The following HSF2BP variants were observed in gnomAD, a reference collection of about 807,000 sequenced individuals.
HSF2BP encodes the protein heat shock factor 2-binding protein.
HSF2BP carries 35 observed loss-of-function variants against 35.0 expected under a neutral mutation model. The observed-to-expected ratio is 1.00, with a 90% CI of 0.76 to 1.32. HSF2BP has a LOEUF of 1.32. Ranked by LOEUF, HSF2BP falls within the 40% of genes most tolerant of loss-of-function variation. The pLI, the probability that HSF2BP is intolerant of heterozygous loss-of-function variation, is 0.00. For missense variants in HSF2BP, 326 were observed against 321.7 expected (o/e 1.01, Z -0.10); for synonymous variants, 114 against 117.4 (o/e 0.97, Z 0.18).
At chr21:43,578,067 T>C (rs996885963) in intron 8 of HSF2BP, among the ~76,000 whole-genome samples, 4 of 152,232 alleles carry the variant, frequency 2.6e-5, no homozygotes, top group Admixed American at 6.5e-5. Flanking sequence ...CTGCACCTTG[T>C]TGCTCACACA....
At chr21:43,612,141 G>T (rs1458811802) in intron 7 of HSF2BP, among the ~76,000 whole-genome samples, 1 of 152,186 alleles carries the variant, frequency 6.6e-6, no homozygotes, top group East Asian at 1.9e-4. Flanking sequence ...ACCCAAAGGG[G>T]TTGACTGCCT....
At chr21:43,590,301 C>T (rs1011497011) in intron 8 of HSF2BP, among the ~76,000 whole-genome samples, 64 of 152,084 alleles carry the variant, frequency 4.2e-4, no homozygotes, top group African/African-American at 1.4e-3. Context: ...CAAATTAAAA[C>T]CACAGTGAAG....
At chr21:43,636,911 A>T (rs1024409421) in intron 4 of HSF2BP, among the ~76,000 whole-genome samples, 1 of 150,332 alleles carries the variant, frequency 6.7e-6, no homozygotes, top group Non-Finnish European at 1.5e-5. Flanking sequence ...AAAAAAAAAA[A>T]AAAGAAATAA....
chr21:43,644,418 A>C, intron 3 of HSF2BP, 26 bp from the exon 4 acceptor site: 7 of 1,541,436 alleles, frequency 4.5e-6, no homozygotes, highest in Non-Finnish European at 6.3e-6. Context: ...AAAATTACTC[A>C]AGATATTTCA....
At chr21:43,467,727 C>T in the HSF2BP span, among the ~76,000 whole-genome samples, 2 of 129,046 alleles carry the variant, frequency 1.5e-5, no homozygotes, top group Admixed American at 7.7e-5. Flanking sequence ...ACACACCACA[C>T]ACACCACACC....
intron 4 of HSF2BP, 51 bp from the exon 5 acceptor site, chr21:43,633,472 T>C (rs1244326862): frequency 1.4e-6 from 2 of 1,406,508 alleles, no homozygotes; most frequent in East Asian, 2.5e-5. Flanking sequence ...AACCTTGATA[T>C]ATCTTTATTA....
intron 7 of HSF2BP, among the ~76,000 whole-genome samples, chr21:43,596,122 AT>A (rs1418896567): frequency 6.6e-6 from 1 of 152,126 alleles, no homozygotes; most frequent in Non-Finnish European, 1.5e-5. Flanking sequence ...AAAGGCACAA[AT>A]TGATAAAACT....
In HSF2BP at chr21:43,658,203, C is replaced by A; in HGVS notation, c.-107G>T. On this transcript the variant is annotated 5_prime_UTR_variant, in exon 2 of 9. Transcript: ENST00000291560. ...CACGCCGGGGGTCGGGAACGGAGAG[C>A]CGCCAGGCCCAAACCTCCCAGAATT... The A allele has an allele frequency of 7.7e-7, 1 of 1,300,084 alleles. No individual in the cohort carries two copies. Among genetic ancestry groups the A allele is most frequent in the South Asian group, 1.5e-5 (1 of 64,912 alleles). 80.5% of individuals were successfully genotyped at this position (1,300,084 alleles called of 1,614,324 possible).
intron 7 of HSF2BP, among the ~76,000 whole-genome samples, chr21:43,603,015 G>C (rs1479486521): frequency 6.6e-6 from 1 of 152,112 alleles, no homozygotes; most frequent in Non-Finnish European, 1.5e-5. Context: ...TAAAATCATA[G>C]GCAGCGTGGG....
intron 7 of HSF2BP, among the ~76,000 whole-genome samples, chr21:43,598,736 G>A (rs2082016807): frequency 6.6e-6 from 1 of 152,132 alleles, no homozygotes; most frequent in African/African-American, 2.4e-5. Context: ...ATTTAATGAG[G>A]TATTAAGGGC....
intron 7 of HSF2BP, among the ~76,000 whole-genome samples, chr21:43,606,432 A>T (rs1470507487): frequency 1.3e-5 from 2 of 152,122 alleles, no homozygotes; most frequent in Non-Finnish European, 2.9e-5. Context: ...TGTGAGCAGG[A>T]GGAAAGAGGA....
chr21:43,653,973 G>C (rs927621602), intron 3 of HSF2BP, among the ~76,000 whole-genome samples: 1 of 152,124 alleles, frequency 6.6e-6, no homozygotes, highest in African/African-American at 2.4e-5. Context: ...GCCAGTGTAA[G>C]ACAGGGGCAG....
chr21:43,608,438 G>A (rs556585737), intron 7 of HSF2BP, among the ~76,000 whole-genome samples: 24 of 152,172 alleles, frequency 1.6e-4, no homozygotes, highest in African/African-American at 4.6e-4. Context: ...TTACTAGAAA[G>A]TCAAAAAACA....
At chr21:43,646,441 GA>G (rs1381197502) in intron 3 of HSF2BP, among the ~76,000 whole-genome samples, 1 of 152,092 alleles carries the variant, frequency 6.6e-6, no homozygotes, top group African/African-American at 2.4e-5. Flanking sequence ...AGACAAAAAT[GA>G]ACAAACTGAA....
At chr21:43,636,894 C>CAAAAAAAAAAAAAAA (rs34578952) in intron 4 of HSF2BP, among the ~76,000 whole-genome samples, 85 of 111,948 alleles carry the variant, frequency 7.6e-4, no homozygotes, top group Non-Finnish European at 1.0e-3. Flanking sequence ...CGTCTCAAAA[C>CAAAAAAAAAAAAAAA]AAAAAAAAAA....
At chr21:43,619,033 G>A (rs931936159) in intron 6 of HSF2BP, among the ~76,000 whole-genome samples, 1 of 152,012 alleles carries the variant, frequency 6.6e-6, no homozygotes, top group Non-Finnish European at 1.5e-5. Flanking sequence ...GGGCTGGAGT[G>A]CAGTGGCACA....
At chr21:43,507,431 T>C in the HSF2BP span, among the ~76,000 whole-genome samples, 1 of 46,210 alleles carries the variant, frequency 2.2e-5, no homozygotes, top group Admixed American at 1.9e-4. Context: ...ATAACTGTCT[T>C]TGTTTCTCGC....
At chr21:43,592,817 A>C (rs1216741241) in intron 7 of HSF2BP, among the ~76,000 whole-genome samples, 1 of 152,176 alleles carries the variant, frequency 6.6e-6, no homozygotes, top group East Asian at 1.9e-4. Flanking sequence ...ACTACAACCC[A>C]ACCATCCCTC....
chr21:43,596,723 G>GA (rs1008427775), intron 7 of HSF2BP, among the ~76,000 whole-genome samples: 4 of 151,038 alleles, frequency 2.6e-5, no homozygotes, highest in Admixed American at 6.6e-5. Context: ...AACAACAACA[G>GA]AAAAAAAACC....
Sources: allele counts gnomAD v4.1 joint callset (sites outside exome capture counted in the v4.1 genomes callset), GRCh38; gene constraint gnomAD v4.1.1; transcripts MANE v1.5; gene names NCBI Gene and HGNC (gene_info 2026-07-23, HGNC 2026-07-21).